SLC4A10: variants seen among roughly 807,000 people sequenced by gnomAD.
SLC4A10 encodes the protein sodium-driven chloride bicarbonate exchanger.
In SLC4A10, 42 loss-of-function variants were observed where a neutral mutation model predicts 137.7. The observed-to-expected ratio is 0.30, with a 90% CI of 0.24 to 0.39. The LOEUF is 0.39. Ranked by LOEUF, SLC4A10 falls within the 10% of genes least tolerant of loss-of-function variation. SLC4A10 has a pLI of 1.00. For missense variants in SLC4A10, 925 were observed against 1,355.0 expected (o/e 0.68, Z 4.98); for synonymous variants, 474 against 464.1 (o/e 1.02, Z -0.27).
chr2:161,629,738 G>A (rs1390947117), intron 1 of SLC4A10, among the ~76,000 whole-genome samples: 4 of 151,726 alleles, frequency 2.6e-5, no homozygotes, highest in African/African-American at 9.7e-5. Context: ...GGTAACCACT[G>A]ACTTTTTTAC....
chr2:161,785,038 A>G (rs561223425), intron 2 of SLC4A10, among the ~76,000 whole-genome samples: 1 of 151,802 alleles, frequency 6.6e-6, no homozygotes, highest in East Asian at 1.9e-4. Flanking sequence ...TATAAATCAT[A>G]TATTAAAGAG....
intron 19 of SLC4A10, among the ~76,000 whole-genome samples, chr2:161,956,645 A>G (rs1171513910): frequency 1.3e-5 from 2 of 152,204 alleles, no homozygotes; most frequent in Admixed American, 1.3e-4. Context: ...GTGGAGTAGC[A>G]TAACAGAGGA....
At chr2:161,756,080 T>C (rs2049607327) in intron 1 of SLC4A10, among the ~76,000 whole-genome samples, 1 of 152,102 alleles carries the variant, frequency 6.6e-6, no homozygotes, top group South Asian at 2.1e-4. Flanking sequence ...CTTTAAAAAG[T>C]TTTCAAAATG....
chr2:161,725,609 C>T (rs2046132896), intron 1 of SLC4A10, among the ~76,000 whole-genome samples: 1 of 152,122 alleles, frequency 6.6e-6, no homozygotes, highest in African/African-American at 2.4e-5. Flanking sequence ...TTTTCTCCTA[C>T]AAAAAAATTA....
At chr2:161,786,080 G>T (rs919240652) in intron 2 of SLC4A10, among the ~76,000 whole-genome samples, 2 of 151,622 alleles carry the variant, frequency 1.3e-5, no homozygotes, top group Non-Finnish European at 3.0e-5. Flanking sequence ...AATGGCATTT[G>T]CTTTATAAAT....
chr2:161,723,495 A>G (rs1028971488), intron 1 of SLC4A10, among the ~76,000 whole-genome samples: 2 of 152,138 alleles, frequency 1.3e-5, no homozygotes, highest in Non-Finnish European at 1.5e-5. Context: ...TTTCGTTTCC[A>G]CTAGAAATAA....
At chr2:161,663,718 G>T (rs537673299) in intron 1 of SLC4A10, among the ~76,000 whole-genome samples, 19 of 151,794 alleles carry the variant, frequency 1.3e-4, no homozygotes, top group Non-Finnish European at 2.4e-4. Context: ...TGTGTTGCAG[G>T]GTATTACAAA....
intron 1 of SLC4A10, among the ~76,000 whole-genome samples, chr2:161,764,300 A>G (rs1041608575): frequency 1.3e-5 from 2 of 152,176 alleles, no homozygotes; most frequent in Non-Finnish European, 2.9e-5. Flanking sequence ...AGGAGAATAT[A>G]TTAACATATA....
At chr2:161,802,915 T>G (rs1319005758) in intron 2 of SLC4A10, among the ~76,000 whole-genome samples, 1 of 152,120 alleles carries the variant, frequency 6.6e-6, no homozygotes, top group African/African-American at 2.4e-5. Flanking sequence ...ATAAAGGCCC[T>G]ATCTCTAAAT....
chr2:161,966,672 C>T (rs889454123), intron 23 of SLC4A10, among the ~76,000 whole-genome samples: 6 of 150,866 alleles, frequency 4.0e-5, no homozygotes, highest in Non-Finnish European at 2.9e-5. Flanking sequence ...TCACTTGAAC[C>T]GGGAGGTGGA....
intron 1 of SLC4A10, among the ~76,000 whole-genome samples, chr2:161,699,077 T>C (rs2042862377): frequency 6.6e-6 from 1 of 152,182 alleles, no homozygotes; most frequent in African/African-American, 2.4e-5. Context: ...TGGAGTGCAG[T>C]GGCGCGATCT....
chr2:161,776,173 T>C (rs1237181811), intron 2 of SLC4A10, among the ~76,000 whole-genome samples: 1 of 151,948 alleles, frequency 6.6e-6, no homozygotes, highest in Non-Finnish European at 1.5e-5. Flanking sequence ...ATGCATACTT[T>C]AGGTCTTTAA....
chr2:161,742,904 A>G (rs1208762057), intron 1 of SLC4A10, among the ~76,000 whole-genome samples: 1 of 152,072 alleles, frequency 6.6e-6, no homozygotes, highest in Non-Finnish European at 1.5e-5. Context: ...CCTGTTTGCC[A>G]TTTGTATCTT....
intron 2 of SLC4A10, among the ~76,000 whole-genome samples, chr2:161,791,913 T>G (rs2054253015): frequency 1.3e-5 from 2 of 152,162 alleles, no homozygotes; most frequent in Admixed American, 1.3e-4. Flanking sequence ...TACAAGTACT[T>G]GCAGGCATGT....
chr2:161,663,436 T>C (rs1279275185), intron 1 of SLC4A10, among the ~76,000 whole-genome samples: 1 of 152,180 alleles, frequency 6.6e-6, no homozygotes, highest in Non-Finnish European at 1.5e-5. Context: ...ATTTTCTTTC[T>C]GAGTTATCGC....
chr2:161,672,105 A>G (rs2039793113), intron 1 of SLC4A10, among the ~76,000 whole-genome samples: 1 of 152,162 alleles, frequency 6.6e-6, no homozygotes, highest in South Asian at 2.1e-4. Flanking sequence ...GGATGTACCA[A>G]GAAGCGCAGT....
intron 20 of SLC4A10, among the ~76,000 whole-genome samples, 174 bp from the exon 21 acceptor site, chr2:161,958,313 A>G (rs12619850): frequency 0.013 from 2,003 of 152,278 alleles, 39 homozygotes; most frequent in East Asian, 0.098. Context: ...TAACTTACCT[A>G]AGGTTACACA....
intron 1 of SLC4A10, among the ~76,000 whole-genome samples, chr2:161,640,137 C>A (rs1424189630): frequency 6.6e-6 from 1 of 152,046 alleles, no homozygotes. Flanking sequence ...TCAGTAAGGA[C>A]TCAAAGGTAT....
chr2:161,879,339 G>A, intron 9 of SLC4A10, 51 bp downstream of exon 9: 2 of 1,498,276 alleles, frequency 1.3e-6, no homozygotes. Flanking sequence ...ATCTTTTCAT[G>A]GAAAGAAAAT....
Sources: gnomAD v4.1 joint callset for allele counts (sites outside exome capture counted in the v4.1 genomes callset) on GRCh38, gnomAD v4.1.1 for gene constraint, MANE v1.5 for transcripts, NCBI Gene and HGNC (gene_info 2026-07-23, HGNC 2026-07-21) for gene names.